EPHA6: variants seen among roughly 807,000 people sequenced by gnomAD.
The protein encoded by EPHA6 is EPH receptor A6, also known as ephrin type-A receptor 6.
In EPHA6, 50 loss-of-function variants were observed where a neutral mutation model predicts 112.0. The ratio of observed to expected loss-of-function variants is 0.45; its 90% CI spans 0.36 to 0.56. EPHA6 has a LOEUF of 0.56. Ranked by LOEUF, EPHA6 falls within the 20% of genes least tolerant of loss-of-function variation. EPHA6 has a pLI of 0.00. For missense variants in EPHA6, 1,280 were observed against 1,417.4 expected (o/e 0.90, Z 1.56); for synonymous variants, 529 against 490.7 (o/e 1.08, Z -1.03).
At chr3:97,392,445 T>C (rs1005486766) in intron 5 of EPHA6, among the ~76,000 whole-genome samples, 7 of 151,700 alleles carry the variant, frequency 4.6e-5, no homozygotes, top group Admixed American at 2.6e-4. Context: ...TGTGTGTATA[T>C]TTATATACAT....
intron 1 of EPHA6, among the ~76,000 whole-genome samples, chr3:96,862,311 T>C (rs2107434873): frequency 6.6e-6 from 1 of 152,060 alleles, no homozygotes; most frequent in Non-Finnish European, 1.5e-5. Flanking sequence ...TCTACTGATG[T>C]GCTGTTACTG....
intron 6 of EPHA6, among the ~76,000 whole-genome samples, chr3:97,446,824 A>G (rs2090361605): frequency 6.6e-6 from 1 of 152,134 alleles, no homozygotes; most frequent in African/African-American, 2.4e-5. Context: ...CCTTGATATG[A>G]GCAAGCTCCT....
chr3:96,892,801 A>G (rs1477325804), intron 2 of EPHA6, among the ~76,000 whole-genome samples: 3 of 151,998 alleles, frequency 2.0e-5, no homozygotes, highest in Admixed American at 6.5e-5. Context: ...GAATTTCTTA[A>G]CAAGTCTTTC....
chr3:96,840,988 T>TA (rs1247773804), intron 1 of EPHA6, among the ~76,000 whole-genome samples: 3 of 152,096 alleles, frequency 2.0e-5, no homozygotes, highest in African/African-American at 7.2e-5. Flanking sequence ...TCTCAGTTAA[T>TA]TTTGCCAAGG....
intron 2 of EPHA6, among the ~76,000 whole-genome samples, chr3:96,945,016 C>T (rs1465964534): frequency 6.6e-6 from 1 of 152,136 alleles, no homozygotes; most frequent in Non-Finnish European, 1.5e-5. Flanking sequence ...CTACAGTTTT[C>T]ATTGTTTTAT....
At chr3:97,249,659 T>C (rs2079077478) in intron 5 of EPHA6, among the ~76,000 whole-genome samples, 1 of 152,196 alleles carries the variant, frequency 6.6e-6, no homozygotes, top group South Asian at 2.1e-4. Flanking sequence ...TCATATTTTT[T>C]AATAATTTGC....
chr3:97,140,790 G>T (rs1483136183), intron 3 of EPHA6, among the ~76,000 whole-genome samples: 1 of 152,030 alleles, frequency 6.6e-6, no homozygotes, highest in Admixed American at 6.6e-5. Flanking sequence ...AAGCAACTAG[G>T]TAACAACATT....
At chr3:97,147,848 T>C (rs895917168) in intron 3 of EPHA6, among the ~76,000 whole-genome samples, 1 of 152,016 alleles carries the variant, frequency 6.6e-6, no homozygotes, top group Non-Finnish European at 1.5e-5. Flanking sequence ...GATTCAGTAC[T>C]AGAAAAGAAA....
At chr3:97,531,610 A>G (rs771115116) in intron 10 of EPHA6, among the ~76,000 whole-genome samples, 10 of 152,092 alleles carry the variant, frequency 6.6e-5, no homozygotes, top group African/African-American at 9.7e-5. Context: ...TTAAATGTTT[A>G]ATTTATGTGC....
chr3:97,637,850 A>G, intron 13 of EPHA6, 23 bp from the exon 14 acceptor site: 2 of 1,583,994 alleles, frequency 1.3e-6, no homozygotes, highest in South Asian at 1.1e-5. Context: ...AAATCAATTT[A>G]CACAATTGTG....
At chr3:97,225,715 A>T (rs939961682) in intron 3 of EPHA6, among the ~76,000 whole-genome samples, 1 of 152,308 alleles carries the variant, frequency 6.6e-6, no homozygotes, top group South Asian at 2.1e-4. Flanking sequence ...AAATATTATT[A>T]TAAAAGCAAA....
At chr3:96,856,527 T>C (rs888025466) in intron 1 of EPHA6, among the ~76,000 whole-genome samples, 1 of 152,112 alleles carries the variant, frequency 6.6e-6, no homozygotes, top group African/African-American at 2.4e-5. Flanking sequence ...CAATAAAGGA[T>C]AGGCAATAAC....
chr3:97,614,448 C>T (rs2093746770), intron 13 of EPHA6, among the ~76,000 whole-genome samples: 2 of 150,494 alleles, frequency 1.3e-5, no homozygotes, highest in Admixed American at 1.3e-4. Flanking sequence ...GATTCTCCTG[C>T]CTCAGCCTCC....
In EPHA6 at chr3:96,913,201, CACACACACACACCA is replaced by C. The variant is rs1377320166; in HGVS notation, c.450+46313_450+46326del. ...ACACACACACACACACACACACACA[CACACACACACACCA>C]CACACACGGGCATGGTGACACATAC... On this transcript the variant is annotated intron_variant, in intron 2 of 17. Transcript: ENST00000389672. Among the ~76,000 whole-genome samples the C allele has an allele frequency of 5.3e-4, 64 of 121,298 alleles. 2 individuals are homozygous for C. The highest frequency in any genetic ancestry group is 4.4e-3 in the Admixed American group (39 of 8,934). The allele number at this position is 121,298 out of a possible 152,430, so 79.6% of individuals were successfully genotyped here.
intron 14 of EPHA6, among the ~76,000 whole-genome samples, chr3:97,689,482 T>TA (rs2032500307): frequency 6.6e-6 from 1 of 152,180 alleles, no homozygotes; most frequent in Non-Finnish European, 1.5e-5. Flanking sequence ...TGTAATGCGG[T>TA]AGGCAGGCCT....
intron 5 of EPHA6, among the ~76,000 whole-genome samples, chr3:97,308,853 T>C (rs2081431122): frequency 2.0e-5 from 3 of 151,802 alleles, no homozygotes; most frequent in Admixed American, 2.0e-4. Context: ...TAATCTGAAC[T>C]GAACTGTAAA....
intron 3 of EPHA6, among the ~76,000 whole-genome samples, chr3:97,119,855 A>C (rs2047993683): frequency 6.6e-6 from 1 of 151,986 alleles, no homozygotes; most frequent in African/African-American, 2.4e-5. Context: ...AGAAGCTCTG[A>C]AATATTCATA....
chr3:97,503,324 T>C (rs1332456899), intron 10 of EPHA6, among the ~76,000 whole-genome samples: 1 of 152,182 alleles, frequency 6.6e-6, no homozygotes, highest in African/African-American at 2.4e-5. Flanking sequence ...ATAAATCCAA[T>C]TTTACACAAA....
intron 5 of EPHA6, among the ~76,000 whole-genome samples, chr3:97,376,440 G>A (rs767708978): frequency 2.6e-5 from 4 of 151,854 alleles, no homozygotes; most frequent in Admixed American, 1.3e-4. Context: ...AATCACATAC[G>A]AAAACAAAAA....
Sources: allele counts gnomAD v4.1 joint callset (sites outside exome capture counted in the v4.1 genomes callset), GRCh38; gene constraint gnomAD v4.1.1; transcripts MANE v1.5; gene names NCBI Gene and HGNC (gene_info 2026-07-23, HGNC 2026-07-21).